Variants in FGF10 observed in about 807,000 individuals in gnomAD.
The protein encoded by FGF10 is FGF-10.
FGF10 carries 2 observed loss-of-function variants against 19.8 expected under a neutral mutation model. The observed-to-expected ratio is 0.10, with a 90% CI of 0.04 to 0.32. FGF10 has a LOEUF of 0.32. Among genes scored for constraint, FGF10 ranks in the 10% least tolerant of loss-of-function variants. FGF10 has a pLI of 1.00. For synonymous variants in FGF10, 112 were observed against 94.0 expected, an observed-to-expected ratio of 1.19 and a Z score of -1.10; for missense variants, 191 against 246.3, an observed-to-expected ratio of 0.78 and a Z score of 1.50.
At chr5:44,338,626 CA>C (rs757484802) in intron 1 of FGF10, among the ~76,000 whole-genome samples, 2 of 152,182 alleles carry the variant, frequency 1.3e-5, no homozygotes, top group Non-Finnish European at 2.9e-5. Context: ...CATCACAACA[CA>C]AGTTCAAAGA....
At chr5:44,321,232 G>A (rs1740478678) in intron 1 of FGF10, among the ~76,000 whole-genome samples, 2 of 152,122 alleles carry the variant, frequency 1.3e-5, no homozygotes, top group African/African-American at 4.8e-5. Context: ...CTTTCAGCTA[G>A]CACCATAACT....
At chr5:44,336,931 G>T (rs1427711519) in intron 1 of FGF10, among the ~76,000 whole-genome samples, 1 of 152,076 alleles carries the variant, frequency 6.6e-6, no homozygotes, top group East Asian at 1.9e-4. Flanking sequence ...GAAGTGGCAA[G>T]GCAGAATGGT....
At chr5:44,319,219 GA>G (rs1376225542) in intron 1 of FGF10, among the ~76,000 whole-genome samples, 1 of 151,656 alleles carries the variant, frequency 6.6e-6, no homozygotes, top group African/African-American at 2.4e-5. Flanking sequence ...TATAAAGAGA[GA>G]AAAAAAATTA....
At chr5:44,342,845 C>T (rs964771107) in intron 1 of FGF10, among the ~76,000 whole-genome samples, 7 of 151,928 alleles carry the variant, frequency 4.6e-5, no homozygotes, top group Admixed American at 2.0e-4. Flanking sequence ...CCAATTCTAG[C>T]GGAGTAAAGT....
At chr5:44,332,716 AC>A in intron 1 of FGF10, among the ~76,000 whole-genome samples, 1 of 152,178 alleles carries the variant, frequency 6.6e-6, no homozygotes, top group East Asian at 1.9e-4. Flanking sequence ...CTAGGACCAC[AC>A]TTTGAGTAGC....
At position 44,317,845 on chromosome 5, in the gene FGF10, C is replaced by A. The variant is rs537992203; in HGVS notation, c.326-7315G>T. 2.0e-5 allele frequency among the ~76,000 whole-genome samples: 3 copies of A among 152,034 alleles called. No individual in the cohort carries two copies. In the East Asian group the frequency reaches 5.8e-4, roughly 29 times the overall value. On this transcript the variant is annotated intron_variant, in intron 1 of 2. Transcript: ENST00000264664. ...ATAATGTCATGTTTTCAAACATTAT[C>A]CTCTCTGTTCTTAGGATACATTCAC...
At chr5:44,367,708 G>A (rs1741651226) in intron 1 of FGF10, among the ~76,000 whole-genome samples, 1 of 151,960 alleles carries the variant, frequency 6.6e-6, no homozygotes. Flanking sequence ...AATATCATTA[G>A]TTATTATTAT....
intron 1 of FGF10, among the ~76,000 whole-genome samples, chr5:44,325,984 T>C (rs1271452795): frequency 1.3e-5 from 2 of 152,180 alleles, no homozygotes; most frequent in African/African-American, 2.4e-5. Flanking sequence ...TATTATTCAA[T>C]AGGTATGTAT....
At chr5:44,347,628 G>A (rs1741117422) in intron 1 of FGF10, among the ~76,000 whole-genome samples, 1 of 151,520 alleles carries the variant, frequency 6.6e-6, no homozygotes, top group African/African-American at 2.4e-5. Context: ...TTTATACTTT[G>A]CCCAAATATT....
intron 1 of FGF10, among the ~76,000 whole-genome samples, chr5:44,315,447 C>G (rs1189164483): frequency 1.3e-5 from 2 of 152,014 alleles, no homozygotes; most frequent in African/African-American, 4.8e-5. Context: ...CCCCCAATGG[C>G]ACTTTGAGGT....
chr5:44,311,855 C>T (rs1296482784), intron 1 of FGF10, among the ~76,000 whole-genome samples: 1 of 152,100 alleles, frequency 6.6e-6, no homozygotes, highest in East Asian at 1.9e-4. Context: ...TGTTTTCACT[C>T]TTCCCATAGA....
At chr5:44,314,170 T>C (rs1740279069) in intron 1 of FGF10, among the ~76,000 whole-genome samples, 1 of 151,986 alleles carries the variant, frequency 6.6e-6, no homozygotes, top group Non-Finnish European at 1.5e-5. Flanking sequence ...TAAAACAGTA[T>C]GGTGTTTTCA....
At chr5:44,373,266 T>C (rs1371527613) in intron 1 of FGF10, among the ~76,000 whole-genome samples, 1 of 152,172 alleles carries the variant, frequency 6.6e-6, no homozygotes, top group Non-Finnish European at 1.5e-5. Context: ...TTTCATTTCT[T>C]CAGCACTATC....
Position 44,303,956 on chromosome 5 carries a change from T to C in FGF10, c.*1039A>G, listed in dbSNP as rs1035254798. 6.6e-6 allele frequency: 1 copy of C among 152,032 alleles called. No individual in the cohort carries two copies. Among genetic ancestry groups the C allele is most frequent in the African/African-American group, 2.4e-5 (1 of 41,446 alleles). The allele number at this position is 152,032 out of a possible 1,614,324, so 9.4% of individuals were successfully genotyped here. A position where few individuals can be genotyped will look rare whatever the true frequency, so the allele number is the denominator to read the frequency against. ...AATGAGGCTAGGCTATTTAAATGTA[T>C]TTAGCAATTAATTTTCCTTTTTTTA... On this transcript the variant is annotated 3_prime_UTR_variant, in exon 3 of 3. Coordinates refer to ENST00000264664, the MANE Select transcript of FGF10 (RefSeq NM_004465.2).
intron 1 of FGF10, among the ~76,000 whole-genome samples, chr5:44,360,988 T>C (rs934000613): frequency 3.3e-5 from 5 of 151,720 alleles, no homozygotes; most frequent in African/African-American, 1.2e-4. Flanking sequence ...CTTCTAACTT[T>C]TCTGAATGAA....
At chr5:44,310,049 G>A (rs1016750362) in intron 2 of FGF10, among the ~76,000 whole-genome samples, 9 of 152,078 alleles carry the variant, frequency 5.9e-5, no homozygotes, top group South Asian at 4.2e-4. Flanking sequence ...ATCTTCAGCC[G>A]TAACGCATAT....
At chr5:44,361,213 CAGCT>C (rs1165442682) in intron 1 of FGF10, among the ~76,000 whole-genome samples, 1 of 151,706 alleles carries the variant, frequency 6.6e-6, no homozygotes, top group Non-Finnish European at 1.5e-5. Context: ...CAGCTAAAAG[CAGCT>C]TCTGCTGCCC....
intron 1 of FGF10, among the ~76,000 whole-genome samples, chr5:44,333,199 A>G (rs1740775918): frequency 6.6e-6 from 1 of 152,184 alleles, no homozygotes; most frequent in Admixed American, 6.6e-5. Flanking sequence ...CTAGAGAGAA[A>G]ATACTCACTA....
intron 1 of FGF10, among the ~76,000 whole-genome samples, chr5:44,343,479 T>C (rs1313214925): frequency 6.6e-6 from 1 of 151,972 alleles, no homozygotes; most frequent in East Asian, 1.9e-4. Context: ...CATAACATTC[T>C]AGATGTTTCA....
Sources: allele counts gnomAD v4.1 joint callset (sites outside exome capture counted in the v4.1 genomes callset), GRCh38; gene constraint gnomAD v4.1.1; transcripts MANE v1.5; gene names NCBI Gene and HGNC (gene_info 2026-07-23, HGNC 2026-07-21).